Variants in TSPAN12 observed in about 807,000 individuals in gnomAD.
TSPAN12 encodes tetraspanin 12, also known as tetraspanin-12.
In TSPAN12, 19 loss-of-function variants were observed where a neutral mutation model predicts 39.2. That is an observed-to-expected ratio of 0.49 (90% CI 0.34 to 0.71). TSPAN12 has a LOEUF of 0.71. Among genes scored for constraint, TSPAN12 ranks in the 30% least tolerant of loss-of-function variants. TSPAN12 has a pLI of 0.01. For synonymous variants in TSPAN12, 119 were observed against 124.8 expected (o/e 0.95, Z 0.31); for missense variants, 314 against 359.9 (o/e 0.87, Z 1.03).
intron 2 of TSPAN12, among the ~76,000 whole-genome samples, chr7:120,855,259 C>T (rs1195300503): frequency 6.6e-6 from 1 of 152,198 alleles, no homozygotes; most frequent in Non-Finnish European, 1.5e-5. Context: ...CTGGCACTGC[C>T]ACCATTGGAC....
Position 120,855,463 on chromosome 7 carries a change from G to T in TSPAN12, c.66+1235C>A, listed in dbSNP as rs1349192418. ...TTATCATACATCTTAAAGAAATGGA[G>T]TTTAAACTCTTAATAACTTTTAATG... On this transcript the variant is annotated intron_variant, in intron 2 of 7. Transcript: ENST00000222747. Among the ~76,000 whole-genome samples, 5 of 152,190 alleles carry T rather than the reference G, an allele frequency of 3.3e-5. No individual in the cohort carries two copies. The East Asian group carries it at 9.6e-4, about 29-fold the overall frequency.
At chr7:120,795,980 T>C (rs1352181466) in intron 7 of TSPAN12, among the ~76,000 whole-genome samples, 2 of 152,212 alleles carry the variant, frequency 1.3e-5, no homozygotes, top group Middle Eastern at 3.2e-3. Flanking sequence ...GGTCCTCATA[T>C]CTCATTTAAC....
At chr7:120,794,016 A>C (rs893749678) in intron 7 of TSPAN12, among the ~76,000 whole-genome samples, 109 of 152,156 alleles carry the variant, frequency 7.2e-4, no homozygotes, top group African/African-American at 2.4e-3. Context: ...CAGAAAGCTG[A>C]GAGGCAAACA....
intron 2 of TSPAN12, 124 bp from the exon 3 acceptor site, chr7:120,840,233 T>C (rs971038991): frequency 2.5e-6 from 2 of 789,986 alleles, no homozygotes; most frequent in African/African-American, 3.4e-5. Context: ...TGCTGCATCT[T>C]GAAATTTACT....
intron 1 of TSPAN12, 98 bp downstream of exon 1, chr7:120,857,722 G>C (rs1794902466): frequency 6.6e-6 from 1 of 152,154 alleles, no homozygotes; most frequent in Non-Finnish European, 1.5e-5. Flanking sequence ...GAGCCCCAGA[G>C]CCAGCCCTTA....
chr7:120,801,985 G>A (rs1228377753), intron 7 of TSPAN12, among the ~76,000 whole-genome samples: 50 of 152,202 alleles, frequency 3.3e-4, no homozygotes, highest in Admixed American at 3.3e-3. Flanking sequence ...CCATGGGCAA[G>A]AGGTTGAGTG....
rs146986462 is a variant in TSPAN12 at position 120,827,764 on chromosome 7, G to A, written c.285+11013C>T. Among the ~76,000 whole-genome samples, 40 of 152,268 alleles carry A rather than the reference G, an allele frequency of 2.6e-4. No individual in the cohort carries two copies. In the East Asian group the frequency reaches 3.7e-3, roughly 14 times the overall value. Reference sequence around the variant, plus strand: ...TTTAACATTCTTGAAAAGTTTATTCGTAAAAATTTGTTCTCCAAGTTTGTC... The same window carrying A: ...TTTAACATTCTTGAAAAGTTTATTCATAAAAATTTGTTCTCCAAGTTTGTC... On this transcript the variant is annotated intron_variant, in intron 4 of 7. Coordinates refer to ENST00000222747, the MANE Select transcript of TSPAN12 (RefSeq NM_012338.4).
chr7:120,799,595 ATTAT>A (rs1310725151), intron 7 of TSPAN12, among the ~76,000 whole-genome samples: 1 of 113,296 alleles, frequency 8.8e-6, no homozygotes, highest in East Asian at 2.3e-4. Flanking sequence ...TAATAATATA[ATTAT>A]ATATAATTAT....
chr7:120,802,420 G>A (rs1793792084), intron 7 of TSPAN12, among the ~76,000 whole-genome samples: 1 of 152,094 alleles, frequency 6.6e-6, no homozygotes, highest in African/African-American at 2.4e-5. Context: ...TCTATCTTAA[G>A]TAACTCCCTC....
intron 7 of TSPAN12, among the ~76,000 whole-genome samples, chr7:120,792,464 C>T (rs192890947): frequency 1.0e-3 from 154 of 152,216 alleles, no homozygotes; most frequent in Non-Finnish European, 1.8e-3. Context: ...CTGACATATT[C>T]GTGGAGATCT....
intron 7 of TSPAN12, among the ~76,000 whole-genome samples, chr7:120,800,754 G>T (rs41631): frequency 0.66 from 82,540 of 125,556 alleles, 27,988 homozygotes; most frequent in Middle Eastern, 0.78. Flanking sequence ...GTTTTTTTTT[G>T]TTTTTTTTTT....
chr7:120,789,665 T>A (rs1455556403), intron 7 of TSPAN12, among the ~76,000 whole-genome samples: 1 of 152,214 alleles, frequency 6.6e-6, no homozygotes, highest in Non-Finnish European at 1.5e-5. Flanking sequence ...AGATAGAAAT[T>A]ATTTAGGCAG....
chr7:120,791,594 T>TA (rs1197616985), intron 7 of TSPAN12, among the ~76,000 whole-genome samples: 1 of 152,184 alleles, frequency 6.6e-6, no homozygotes, highest in Non-Finnish European at 1.5e-5. Context: ...CCTACCTCTT[T>TA]AGACTAATTC....
At chr7:120,811,555 A>G (rs1489629257) in intron 5 of TSPAN12, among the ~76,000 whole-genome samples, 1 of 151,086 alleles carries the variant, frequency 6.6e-6, no homozygotes, top group East Asian at 1.9e-4. Context: ...CTGTAGTCCC[A>G]GCTACTTGGG....
intron 4 of TSPAN12, among the ~76,000 whole-genome samples, chr7:120,829,856 G>A (rs534829283): frequency 3.3e-5 from 5 of 152,054 alleles, no homozygotes; most frequent in East Asian, 1.9e-4. Flanking sequence ...AAATGCTTAC[G>A]GTGACATAGT....
At chr7:120,797,265 G>A (rs1793651576) in intron 7 of TSPAN12, among the ~76,000 whole-genome samples, 1 of 152,238 alleles carries the variant, frequency 6.6e-6, no homozygotes, top group Non-Finnish European at 1.5e-5. Flanking sequence ...GGTGTTAAGT[G>A]TAGGCCTTCA....
intron 7 of TSPAN12, among the ~76,000 whole-genome samples, chr7:120,795,559 G>A (rs1192154276): frequency 6.6e-6 from 1 of 152,162 alleles, no homozygotes; most frequent in Non-Finnish European, 1.5e-5. Flanking sequence ...ACATCAAAAA[G>A]TCGGGCAGCC....
intron 4 of TSPAN12, among the ~76,000 whole-genome samples, chr7:120,831,631 C>G (rs1794392522): frequency 6.6e-6 from 1 of 151,818 alleles, no homozygotes; most frequent in African/African-American, 2.4e-5. Flanking sequence ...ATGGTGGTTA[C>G]TAGAGGCTGG....
intron 2 of TSPAN12, among the ~76,000 whole-genome samples, chr7:120,844,709 AG>A (rs1403775212): frequency 6.6e-6 from 1 of 152,230 alleles, no homozygotes; most frequent in Non-Finnish European, 1.5e-5. Flanking sequence ...GTGGTTCCGC[AG>A]GGTACAGTCC....
Sources: allele counts gnomAD v4.1 joint callset (sites outside exome capture counted in the v4.1 genomes callset), GRCh38; gene constraint gnomAD v4.1.1; transcripts MANE v1.5; gene names NCBI Gene and HGNC (gene_info 2026-07-23, HGNC 2026-07-21).